Variants in EYS observed in about 807,000 individuals in gnomAD.
The protein encoded by EYS is EGF-like photoreceptor maintenance factor.
In EYS, 250 loss-of-function variants were observed where a neutral mutation model predicts 282.1. That is an observed-to-expected ratio of 0.89 (90% CI 0.80 to 0.98). The LOEUF (loss-of-function observed/expected upper bound fraction) is 0.98, where lower values mean the gene tolerates loss of function less well. Among genes scored for constraint, EYS ranks in the 50% least tolerant of loss-of-function variants. EYS has a pLI of 0.00. For synonymous variants in EYS, 1,355 were observed against 1,282.9 expected (o/e 1.06, Z -1.20); for missense variants, 4,016 against 3,709.0 (o/e 1.08, Z -2.15).
chr6:64,367,818 T>C (rs1411107614), intron 29 of EYS, among the ~76,000 whole-genome samples: 2 of 152,106 alleles, frequency 1.3e-5, no homozygotes, highest in African/African-American at 4.8e-5. Context: ...GCATTACTTC[T>C]TTAAGGTTAG....
intron 35 of EYS, among the ~76,000 whole-genome samples, chr6:63,932,980 C>T (rs991686832): frequency 6.6e-6 from 1 of 152,234 alleles, no homozygotes; most frequent in Non-Finnish European, 1.5e-5. Flanking sequence ...GATCAGTCTG[C>T]TAGAGTGGCT....
rs575489112 is a variant in EYS at position 64,686,033 on chromosome 6, C to T, written c.3444-59788G>A. Among the ~76,000 whole-genome samples, 7 of 151,312 alleles carry T rather than the reference C, an allele frequency of 4.6e-5. No individual in the cohort carries two copies. The South Asian group carries it at 1.0e-3, about 23-fold the overall frequency. Reference sequence around the variant, plus strand: ...ACATATTTGGAAATTACACAATGCACTTCTAACTCACCCAAGAGCCAAATG... The same window carrying T: ...ACATATTTGGAAATTACACAATGCATTTCTAACTCACCCAAGAGCCAAATG... On this transcript the variant is annotated intron_variant, in intron 22 of 42. Transcript: ENST00000503581.
intron 31 of EYS, among the ~76,000 whole-genome samples, chr6:64,205,440 G>A (rs1765583764): frequency 1.3e-5 from 2 of 152,102 alleles, no homozygotes; most frequent in African/African-American, 2.4e-5. Context: ...TTCAATTTGA[G>A]CACTTTCTTG....
At chr6:64,401,598 TAAC>T (rs894362611) in intron 28 of EYS, among the ~76,000 whole-genome samples, 77 of 152,134 alleles carry the variant, frequency 5.1e-4, no homozygotes, top group African/African-American at 1.7e-3. Flanking sequence ...ATTTTTATCT[TAAC>T]AAATTACCCC....
intron 22 of EYS, among the ~76,000 whole-genome samples, chr6:64,749,898 AT>A (rs1168580368): frequency 1.3e-5 from 2 of 152,126 alleles, no homozygotes; most frequent in African/African-American, 2.4e-5. Context: ...AATAGCAAAT[AT>A]TTTAATATTG....
At chr6:65,634,966 C>T (rs1767036433) in intron 2 of EYS, among the ~76,000 whole-genome samples, 2 of 152,184 alleles carry the variant, frequency 1.3e-5, no homozygotes, top group Admixed American at 6.5e-5. Flanking sequence ...AATTTGCCTT[C>T]ATCACAGACA....
intron 31 of EYS, among the ~76,000 whole-genome samples, chr6:64,185,700 C>T (rs926189284): frequency 8.5e-5 from 13 of 152,156 alleles, no homozygotes; most frequent in Middle Eastern, 3.4e-3. Context: ...TTTCCTTTTC[C>T]GTGGAAAAAA....
At chr6:64,849,615 G>C (rs1461706301) in intron 19 of EYS, among the ~76,000 whole-genome samples, 1 of 152,012 alleles carries the variant, frequency 6.6e-6, no homozygotes, top group Non-Finnish European at 1.5e-5. Context: ...ACTAAAATTA[G>C]TTGTTGGCCA....
chr6:64,782,255 A>G (rs1170504566), intron 22 of EYS, among the ~76,000 whole-genome samples: 1 of 152,232 alleles, frequency 6.6e-6, no homozygotes, highest in Admixed American at 6.5e-5. Context: ...TAGATTACAA[A>G]TTTGCAGTCT....
chr6:65,627,585 C>T (rs998033378), intron 2 of EYS, among the ~76,000 whole-genome samples: 1 of 152,206 alleles, frequency 6.6e-6, no homozygotes, highest in East Asian at 1.9e-4. Context: ...GCTGGAGTTC[C>T]GGGTCAGCTG....
intron 12 of EYS, among the ~76,000 whole-genome samples, chr6:65,062,580 T>C (rs940400409): frequency 6.6e-6 from 1 of 151,968 alleles, no homozygotes; most frequent in Non-Finnish European, 1.5e-5. Context: ...ACTCCTTACC[T>C]TATATGATAA....
chr6:64,731,339 A>G (rs895987776), intron 22 of EYS, among the ~76,000 whole-genome samples: 7 of 152,094 alleles, frequency 4.6e-5, no homozygotes, highest in Non-Finnish European at 1.0e-4. Context: ...ACAAACAAAC[A>G]AAAAAACAAA....
At chr6:65,687,744 C>G (rs1036278311) in intron 1 of EYS, among the ~76,000 whole-genome samples, 1 of 152,158 alleles carries the variant, frequency 6.6e-6, no homozygotes. Flanking sequence ...TCTCAGGATA[C>G]AAAATCAATG....
At chr6:64,368,067 G>A (rs1772238633) in intron 29 of EYS, among the ~76,000 whole-genome samples, 1 of 152,046 alleles carries the variant, frequency 6.6e-6, no homozygotes, top group South Asian at 2.1e-4. Flanking sequence ...GTATCCAATA[G>A]GTAGTTTTTC....
At chr6:64,705,908 C>G (rs186977859) in intron 22 of EYS, among the ~76,000 whole-genome samples, 1 of 148,860 alleles carries the variant, frequency 6.7e-6, no homozygotes, top group Non-Finnish European at 1.5e-5. Context: ...GAGGGTGCAG[C>G]GCACCAGCAT....
intron 2 of EYS, among the ~76,000 whole-genome samples, chr6:65,583,930 T>C (rs1476081239): frequency 6.6e-6 from 1 of 151,686 alleles, no homozygotes; most frequent in Non-Finnish European, 1.5e-5. Flanking sequence ...TAATGTATCT[T>C]ATGACCTAAC....
At chr6:65,383,633 T>G (rs1765698129) in intron 8 of EYS, among the ~76,000 whole-genome samples, 3 of 151,748 alleles carry the variant, frequency 2.0e-5, no homozygotes. Context: ...CCCTTTGTAC[T>G]CTCCCTGATT....
At chr6:65,633,094 C>T (rs983091047) in intron 2 of EYS, among the ~76,000 whole-genome samples, 1 of 152,100 alleles carries the variant, frequency 6.6e-6, no homozygotes. Context: ...AAGTATTTTT[C>T]TTGCTACCAC....
intron 19 of EYS, among the ~76,000 whole-genome samples, chr6:64,836,275 A>G (rs1032728583): frequency 6.6e-6 from 1 of 150,662 alleles, no homozygotes; most frequent in Non-Finnish European, 1.5e-5. Flanking sequence ...AATACATATC[A>G]TGAATATATT....
Sources: allele counts gnomAD v4.1 joint callset (sites outside exome capture counted in the v4.1 genomes callset), GRCh38; gene constraint gnomAD v4.1.1; transcripts MANE v1.5; gene names NCBI Gene and HGNC (gene_info 2026-07-23, HGNC 2026-07-21).